The following GALNT13 variants were observed in gnomAD, a reference collection of about 807,000 sequenced individuals.
GALNT13 encodes UDP-GalNAc:polypeptide N-acetylgalactosaminyltransferase 13.
A neutral mutation model predicts 64.2 loss-of-function variants in GALNT13; 28 were observed. The ratio of observed to expected loss-of-function variants is 0.44; its 90% CI spans 0.32 to 0.60. GALNT13 has a LOEUF of 0.60. Among genes scored for constraint, GALNT13 ranks in the 20% least tolerant of loss-of-function variants. The pLI is 0.05. For missense variants in GALNT13, 577 were observed against 669.8 expected (o/e 0.86, Z 1.53); for synonymous variants, 214 against 224.6 (o/e 0.95, Z 0.42).
intron 3 of GALNT13, among the ~76,000 whole-genome samples, chr2:153,985,068 G>A (rs187079313): frequency 1.8e-4 from 28 of 152,082 alleles, no homozygotes; most frequent in African/African-American, 6.5e-4. Flanking sequence ...TTCCATCTGT[G>A]TTGTAAGATC....
At chr2:153,532,138 T>C in the GALNT13 span, among the ~76,000 whole-genome samples, 1 of 152,126 alleles carries the variant, frequency 6.6e-6, no homozygotes, top group South Asian at 2.1e-4. Flanking sequence ...ACTTCCCTAG[T>C]AGAGGTTCTC....
the GALNT13 span, among the ~76,000 whole-genome samples, chr2:153,261,992 A>G: frequency 1.4e-4 from 22 of 152,248 alleles, no homozygotes; most frequent in Non-Finnish European, 2.9e-4. Context: ...CTGTACAAAA[A>G]TGCCACCCAA....
At chr2:153,567,664 A>C in the GALNT13 span, among the ~76,000 whole-genome samples, 82 of 152,346 alleles carry the variant, frequency 5.4e-4, no homozygotes, top group East Asian at 4.4e-3. Flanking sequence ...CACCAAACAG[A>C]ACACTCCTGG....
chr2:153,630,319 T>TA, the GALNT13 span, among the ~76,000 whole-genome samples: 1 of 151,728 alleles, frequency 6.6e-6, no homozygotes, highest in Non-Finnish European at 1.5e-5. Flanking sequence ...TATGCAGCCA[T>TA]AAAAAATGAT....
chr2:153,178,856 C>A, the GALNT13 span, among the ~76,000 whole-genome samples: 3 of 80,958 alleles, frequency 3.7e-5, no homozygotes, highest in South Asian at 9.9e-4. Context: ...CTGCCTCAGT[C>A]TCCCGAGTAG....
chr2:153,209,637 A>G, the GALNT13 span, among the ~76,000 whole-genome samples: 1 of 152,112 alleles, frequency 6.6e-6, no homozygotes, highest in Non-Finnish European at 1.5e-5. Flanking sequence ...AAATTATTTT[A>G]TGTCTTCTTG....
At chr2:154,411,038 A>G (rs988156978) in intron 11 of GALNT13, among the ~76,000 whole-genome samples, 24 of 151,910 alleles carry the variant, frequency 1.6e-4, no homozygotes, top group Admixed American at 5.9e-4. Flanking sequence ...GTGAGCACCT[A>G]ACGAATACTA....
At chr2:154,201,286 A>G (rs1687154240) in intron 4 of GALNT13, among the ~76,000 whole-genome samples, 1 of 152,096 alleles carries the variant, frequency 6.6e-6, no homozygotes, top group African/African-American at 2.4e-5. Context: ...TGAGAGAATA[A>G]TTCTGTCTAG....
the GALNT13 span, among the ~76,000 whole-genome samples, chr2:153,342,041 T>A: frequency 6.6e-6 from 1 of 152,212 alleles, no homozygotes; most frequent in Non-Finnish European, 1.5e-5. Flanking sequence ...AGACAAAGGC[T>A]CAGCAAAGAG....
chr2:153,788,792 G>A, the GALNT13 span, among the ~76,000 whole-genome samples: 2 of 151,888 alleles, frequency 1.3e-5, no homozygotes, highest in Non-Finnish European at 2.9e-5. Context: ...AAAAGCAGAG[G>A]TTGCAATCCT....
At chr2:153,429,722 T>G in the GALNT13 span, among the ~76,000 whole-genome samples, 1 of 152,118 alleles carries the variant, frequency 6.6e-6, no homozygotes, top group African/African-American at 2.4e-5. Context: ...CAAAATTTAT[T>G]TACCTTATAT....
the GALNT13 span, among the ~76,000 whole-genome samples, chr2:153,218,447 A>G: frequency 1.3e-5 from 2 of 152,098 alleles, no homozygotes; most frequent in African/African-American, 4.8e-5. Flanking sequence ...TTCTCCAGAC[A>G]GAATTAGTTT....
chr2:154,077,805 T>C (rs1275729937), intron 3 of GALNT13, among the ~76,000 whole-genome samples: 2 of 151,554 alleles, frequency 1.3e-5, no homozygotes, highest in Non-Finnish European at 3.0e-5. Flanking sequence ...TAATGAAAGG[T>C]TAAGTAAATT....
chr2:154,062,384 T>C (rs1185284641), intron 3 of GALNT13, among the ~76,000 whole-genome samples: 1 of 152,196 alleles, frequency 6.6e-6, no homozygotes, highest in Non-Finnish European at 1.5e-5. Flanking sequence ...CATTACATTC[T>C]CTTATCTTTT....
At chr2:153,407,770 TTCTG>T in the GALNT13 span, among the ~76,000 whole-genome samples, 2 of 152,230 alleles carry the variant, frequency 1.3e-5, no homozygotes, top group African/African-American at 4.8e-5. Context: ...TCCACTTTGA[TTCTG>T]TCTATCTCTA....
At chr2:154,169,184 C>A (rs952220566) in intron 4 of GALNT13, among the ~76,000 whole-genome samples, 3 of 152,082 alleles carry the variant, frequency 2.0e-5, no homozygotes, top group African/African-American at 7.2e-5. Context: ...TCCCATTAGG[C>A]CTACCTCCAA....
At chr2:154,260,069 A>T (rs1690610250) in intron 8 of GALNT13, among the ~76,000 whole-genome samples, 1 of 151,638 alleles carries the variant, frequency 6.6e-6, no homozygotes, top group Non-Finnish European at 1.5e-5. Context: ...TATTTTTTGT[A>T]GAGACAGGGT....
the GALNT13 span, among the ~76,000 whole-genome samples, chr2:153,646,811 G>T: frequency 6.6e-6 from 1 of 152,104 alleles, no homozygotes; most frequent in Non-Finnish European, 1.5e-5. Flanking sequence ...TTTTATGGCT[G>T]CATAGTATTC....
intron 4 of GALNT13, among the ~76,000 whole-genome samples, chr2:154,220,782 T>C (rs570061613): frequency 6.6e-6 from 1 of 152,166 alleles, no homozygotes; most frequent in East Asian, 1.9e-4. Context: ...TTAAAGACAT[T>C]ATGCTAAGAA....
Sources: allele counts gnomAD v4.1 joint callset (sites outside exome capture counted in the v4.1 genomes callset), GRCh38; gene constraint gnomAD v4.1.1; transcripts MANE v1.5; gene names NCBI Gene and HGNC (gene_info 2026-07-23, HGNC 2026-07-21).